The following BICC1 variants were observed in gnomAD, a reference collection of about 807,000 sequenced individuals.
BICC1 encodes protein bicaudal C homolog 1.
BICC1 carries 43 observed loss-of-function variants against 111.0 expected under a neutral mutation model. The ratio of observed to expected loss-of-function variants is 0.39; its 90% CI spans 0.30 to 0.50. The LOEUF is 0.50. Among genes scored for constraint, BICC1 ranks in the 20% least tolerant of loss-of-function variants. BICC1 has a pLI of 0.88. For missense variants in BICC1, 1,091 were observed against 1,203.2 expected, an observed-to-expected ratio of 0.91 and a Z score of 1.38; for synonymous variants, 467 against 434.4, an observed-to-expected ratio of 1.07 and a Z score of -0.93.
chr10:58,720,457 G>A (rs954444007), intron 3 of BICC1, among the ~76,000 whole-genome samples: 33 of 152,182 alleles, frequency 2.2e-4, no homozygotes, highest in African/African-American at 8.0e-4. Context: ...AAGTGGCATT[G>A]TTTGCTGTCA....
chr10:58,766,420 G>A (rs891089521), intron 3 of BICC1, among the ~76,000 whole-genome samples: 2 of 152,120 alleles, frequency 1.3e-5, no homozygotes, highest in African/African-American at 2.4e-5. Context: ...AGTAATTAGG[G>A]GGCGGGCACG....
At position 58,829,657 on chromosome 10, in the gene BICC1, CAAAG is replaced by C. The variant is rs1462479742; in HGVS notation, c.*772_*775del. On this transcript the variant is annotated 3_prime_UTR_variant, in exon 21 of 21. Coordinates refer to ENST00000373886, the MANE Select transcript of BICC1 (RefSeq NM_001080512.3). ...TGGACCTAGTTCACAGTAATAGGTGCAAAGAAAGACCAAATGGACTTTGCAGTAT... is the reference window on the plus strand; with the variant it reads ...TGGACCTAGTTCACAGTAATAGGTGCAAAGACCAAATGGACTTTGCAGTAT... 1 of 152,072 alleles carries C rather than the reference CAAAG, an allele frequency of 6.6e-6. No homozygotes were observed. The highest frequency in any genetic ancestry group is 1.9e-4 in the East Asian group (1 of 5,190). The allele number at this position is 152,072 out of a possible 1,614,324, so 9.4% of individuals were successfully genotyped here. A position where few individuals can be genotyped will look rare whatever the true frequency, so the allele number is the denominator to read the frequency against.
intron 1 of BICC1, among the ~76,000 whole-genome samples, chr10:58,594,713 C>T (rs188048292): frequency 1.5e-4 from 23 of 152,270 alleles, no homozygotes; most frequent in African/African-American, 5.1e-4. Context: ...CTTACAAGAA[C>T]TCCTGAAGGA....
intron 2 of BICC1, among the ~76,000 whole-genome samples, chr10:58,673,516 A>G (rs1340012676): frequency 6.6e-6 from 1 of 152,208 alleles, no homozygotes; most frequent in Non-Finnish European, 1.5e-5. Context: ...CCTTCTTCCT[A>G]AGATCAAAAT....
At chr10:58,657,806 ATAT>A (rs1838707094) in intron 2 of BICC1, among the ~76,000 whole-genome samples, 1 of 3,804 alleles carries the variant, frequency 2.6e-4, no homozygotes, top group Non-Finnish European at 0.014. Flanking sequence ...AAGATCACTC[ATAT>A]TTTTTTTTCT....
intron 1 of BICC1, among the ~76,000 whole-genome samples, chr10:58,611,774 G>T (rs1224129926): frequency 1.3e-5 from 2 of 151,984 alleles, no homozygotes; most frequent in Non-Finnish European, 2.9e-5. Context: ...GCAGGTGTGA[G>T]CCACTGTGCC....
At chr10:58,633,557 A>G (rs1837862186) in intron 2 of BICC1, among the ~76,000 whole-genome samples, 1 of 152,232 alleles carries the variant, frequency 6.6e-6, no homozygotes, top group African/African-American at 2.4e-5. Context: ...TGCCATCATT[A>G]CATTCTGAAT....
intron 15 of BICC1, 88 bp downstream of exon 15, chr10:58,803,330 A>C (rs1843612697): frequency 1.7e-6 from 2 of 1,169,848 alleles, no homozygotes; most frequent in South Asian, 5.2e-5. Flanking sequence ...GCAGTAGTGC[A>C]GAAATTAGGT....
At chr10:58,631,793 G>A (rs901432599) in intron 2 of BICC1, among the ~76,000 whole-genome samples, 22 of 152,304 alleles carry the variant, frequency 1.4e-4, no homozygotes, top group African/African-American at 5.3e-4. Flanking sequence ...ATTTCCACGT[G>A]CCTGTTTATT....
At chr10:58,549,484 G>T (rs574041699) in intron 1 of BICC1, among the ~76,000 whole-genome samples, 56 of 152,016 alleles carry the variant, frequency 3.7e-4, no homozygotes, top group African/African-American at 1.2e-3. Flanking sequence ...TAAAATTTTC[G>T]CCATTTTAAT....
At chr10:58,828,645 C>A in intron 20 of BICC1, 116 bp from the exon 21 acceptor site, 3 of 1,101,796 alleles carry the variant, frequency 2.7e-6, no homozygotes, top group Non-Finnish European at 1.3e-6. Flanking sequence ...TGATACCAGA[C>A]TTGACTTTCC....
At chr10:58,685,080 C>T (rs1839672301) in intron 2 of BICC1, among the ~76,000 whole-genome samples, 1 of 152,164 alleles carries the variant, frequency 6.6e-6, no homozygotes, top group African/African-American at 2.4e-5. Context: ...TCTTTGTTCT[C>T]ATTGGTTTCA....
At chr10:58,762,439 A>G (rs1564599315) in intron 3 of BICC1, among the ~76,000 whole-genome samples, 2 of 152,312 alleles carry the variant, frequency 1.3e-5, no homozygotes, top group South Asian at 4.1e-4. Context: ...ACCAAAATCA[A>G]GATTCATAAG....
intron 3 of BICC1, among the ~76,000 whole-genome samples, chr10:58,709,424 T>C (rs1455685639): frequency 6.6e-6 from 1 of 152,220 alleles, no homozygotes; most frequent in East Asian, 1.9e-4. Context: ...TATTAGTAGG[T>C]CATGATATAA....
intron 15 of BICC1, among the ~76,000 whole-genome samples, chr10:58,804,332 G>A (rs1410607983): frequency 6.6e-6 from 1 of 151,888 alleles, no homozygotes; most frequent in African/African-American, 2.4e-5. Flanking sequence ...CCTGGACAAC[G>A]TGGCAAAACC....
At chr10:58,514,337 C>G (rs1237224486) in intron 1 of BICC1, among the ~76,000 whole-genome samples, 2 of 152,164 alleles carry the variant, frequency 1.3e-5, no homozygotes, top group Admixed American at 1.3e-4. Context: ...GGTGAAGATT[C>G]ATTCAGTAGC....
At chr10:58,568,960 G>A (rs956205649) in intron 1 of BICC1, among the ~76,000 whole-genome samples, 4 of 152,118 alleles carry the variant, frequency 2.6e-5, no homozygotes, top group African/African-American at 9.7e-5. Flanking sequence ...TTTACCTTTT[G>A]TGTTCCTAAG....
At chr10:58,539,162 T>A (rs1842897602) in intron 1 of BICC1, among the ~76,000 whole-genome samples, 2 of 151,748 alleles carry the variant, frequency 1.3e-5, no homozygotes, top group Admixed American at 1.3e-4. Context: ...AAAGAGTAGA[T>A]AAAGAAAATG....
At chr10:58,724,024 A>G (rs952416892) in intron 3 of BICC1, among the ~76,000 whole-genome samples, 5 of 152,238 alleles carry the variant, frequency 3.3e-5, no homozygotes, top group African/African-American at 7.2e-5. Flanking sequence ...GTGAGATTCT[A>G]TGTGACTTTA....
Sources: allele counts gnomAD v4.1 joint callset (sites outside exome capture counted in the v4.1 genomes callset), GRCh38; gene constraint gnomAD v4.1.1; transcripts MANE v1.5; gene names NCBI Gene and HGNC (gene_info 2026-07-23, HGNC 2026-07-21).